Variants in ROR1 observed in about 807,000 individuals in gnomAD.
ROR1 encodes inactive tyrosine-protein kinase transmembrane receptor ROR1.
Under a neutral mutation model 78.8 loss-of-function variants are expected in ROR1, and 19 were observed. The observed-to-expected ratio is 0.24, with a 90% CI of 0.17 to 0.35. ROR1 has a LOEUF of 0.35. ROR1 is among the 10% of genes least tolerant of loss of function. The pLI is 1.00. For missense variants in ROR1, 917 were observed against 1,177.8 expected (o/e 0.78, Z 3.24); for synonymous variants, 386 against 433.6 (o/e 0.89, Z 1.36).
In ROR1 at chr1:64,001,962, A is replaced by C. The variant is rs565737599; in HGVS notation, c.92-7343A>C. Among the ~76,000 whole-genome samples, 3 of 151,904 alleles carry C rather than the reference A, an allele frequency of 2.0e-5. No homozygotes were observed. In the East Asian group the frequency reaches 5.8e-4, roughly 29 times the overall value. The stretch of plus-strand genomic sequence containing the variant: ...TGTGACATTTTATTCAGTACTCTTC[A>C]AGTTTTTAGTCTCGTTGTGGTGGGG... On this transcript the variant is annotated intron_variant, in intron 1 of 8. Coordinates refer to ENST00000371079, the MANE Select transcript of ROR1 (RefSeq NM_005012.4).
chr1:63,843,431 G>A (rs188913722), intron 1 of ROR1: 47 of 738,420 alleles, frequency 6.4e-5, no homozygotes, highest in African/African-American at 6.0e-4. Context: ...CGTAGGTTGT[G>A]TCACAGAGGG....
At position 63,957,909 on chromosome 1, in the gene ROR1, A is replaced by G. The variant is rs148936317; in HGVS notation, c.92-51396A>G. Among the ~76,000 whole-genome samples, 46 of 151,754 alleles carry G rather than the reference A, an allele frequency of 3.0e-4. No homozygotes were observed. The East Asian group carries it at 8.7e-3, about 29-fold the overall frequency. ...AGGCTCATGCCACCACACCCAGCTA[A>G]TTTTTTGTATCTTTAGTAGAGATGG... On this transcript the variant is annotated intron_variant, in intron 1 of 8. Transcript: ENST00000371079.
intron 1 of ROR1, among the ~76,000 whole-genome samples, chr1:63,781,589 A>T (rs1195474010): frequency 6.6e-6 from 1 of 152,212 alleles, no homozygotes; most frequent in Non-Finnish European, 1.5e-5. Context: ...CTGTGGGAAC[A>T]TGGGGAAGAA....
chr1:63,855,473 A>G (rs1375663863), intron 1 of ROR1, among the ~76,000 whole-genome samples: 1 of 152,068 alleles, frequency 6.6e-6, no homozygotes, highest in African/African-American at 2.4e-5. Context: ...CAACTCACTG[A>G]TTCTGTTTAC....
intron 1 of ROR1, among the ~76,000 whole-genome samples, chr1:63,851,917 G>T (rs1295868689): frequency 6.6e-6 from 1 of 152,218 alleles, no homozygotes; most frequent in African/African-American, 2.4e-5. Context: ...AAGTAGACTG[G>T]CATCTTACCT....
At chr1:63,849,925 T>G (rs1344585358) in intron 1 of ROR1, among the ~76,000 whole-genome samples, 1 of 152,192 alleles carries the variant, frequency 6.6e-6, no homozygotes, top group Non-Finnish European at 1.5e-5. Flanking sequence ...TTAAAAGAAA[T>G]AAAACATTAT....
chr1:64,024,220 C>T (rs1360827444), intron 2 of ROR1, among the ~76,000 whole-genome samples: 1 of 152,166 alleles, frequency 6.6e-6, no homozygotes, highest in Non-Finnish European at 1.5e-5. Context: ...GTGGCTCATG[C>T]CTGTAATCCC....
chr1:64,156,113 AG>A (rs1483286974), intron 7 of ROR1, among the ~76,000 whole-genome samples: 2 of 152,198 alleles, frequency 1.3e-5, no homozygotes, highest in African/African-American at 2.4e-5. Flanking sequence ...CTCTAGTCTA[AG>A]GGTAAAGGGT....
chr1:63,797,196 C>A (rs1644766439), intron 1 of ROR1, among the ~76,000 whole-genome samples: 3 of 152,140 alleles, frequency 2.0e-5, no homozygotes, highest in South Asian at 4.1e-4. Flanking sequence ...AGGCACTGTG[C>A]CTTGCAAAAA....
At chr1:63,857,528 G>C (rs1459668614) in intron 1 of ROR1, among the ~76,000 whole-genome samples, 1 of 152,136 alleles carries the variant, frequency 6.6e-6, no homozygotes, top group Admixed American at 6.5e-5. Context: ...TTTTATCCAG[G>C]TAGACTCAGA....
chr1:63,988,803 A>G (rs1361137080), intron 1 of ROR1, among the ~76,000 whole-genome samples: 1 of 152,218 alleles, frequency 6.6e-6, no homozygotes, highest in African/African-American at 2.4e-5. Context: ...ATGTTAGAGC[A>G]TGTGCTAGAA....
At chr1:64,148,321 T>A (rs916390436) in intron 7 of ROR1, among the ~76,000 whole-genome samples, 7 of 152,146 alleles carry the variant, frequency 4.6e-5, no homozygotes, top group African/African-American at 1.7e-4. Context: ...TTTATGCATG[T>A]ATGTTGTGTA....
Position 63,969,493 on chromosome 1 carries a change from T to C in ROR1, c.92-39812T>C, listed in dbSNP as rs553884851. ...ATAGCACTGGTAGTCAGCTGGATAG[T>C]TCCCCTTGGCAGTCTAACAACTGTG... is the stretch of plus-strand genomic sequence containing the variant. On this transcript the variant is annotated intron_variant, in intron 1 of 8. Transcript: ENST00000371079. Among the ~76,000 whole-genome samples, 4 of 152,228 alleles carry C rather than the reference T, an allele frequency of 2.6e-5. No homozygotes were observed. The East Asian group carries it at 5.8e-4, about 22-fold the overall frequency.
chr1:64,014,021 T>G (rs1646498425), intron 2 of ROR1, among the ~76,000 whole-genome samples: 1 of 152,240 alleles, frequency 6.6e-6, no homozygotes, highest in Admixed American at 6.5e-5. Flanking sequence ...CAACAGAGGC[T>G]CATTTGGGCT....
In ROR1 at chr1:64,049,816, C is replaced by T. The variant is rs1557626747; in HGVS notation, c.289C>T (p.Pro97Ser). Residue 97 changes from proline (P) to serine (S), a missense_variant, in exon 3 of 9, where the codon CCT becomes TCT. Around this residue, in one of 3 missense-constraint regions of ROR1, gnomAD observed 835 missense variants for 1,069.8 expected, o/e 0.78. Coordinates refer to ENST00000371079, the MANE Select transcript of ROR1 (RefSeq NM_005012.4). ...CATCCGCTGGTTCAAAAATGATGCT[C>T]CTGTGGTCCAGGAGCCCCGGAGGCT... ...PTIRWFKNDAPVVQEPRRLSF... is the reference protein window; with the variant it reads ...PTIRWFKNDASVVQEPRRLSF... 5 of 1,614,102 alleles carry T rather than the reference C, an allele frequency of 3.1e-6. No individual in the cohort carries two copies. Among genetic ancestry groups the T allele is most frequent in the Admixed American group, 1.7e-5 (1 of 59,998 alleles).
chr1:64,176,381 T>C (rs1233777355), intron 8 of ROR1, among the ~76,000 whole-genome samples: 5 of 152,158 alleles, frequency 3.3e-5, no homozygotes, highest in Non-Finnish European at 5.9e-5. Flanking sequence ...TCTGAGTGCT[T>C]TACAAACTTT....
At chr1:63,925,638 A>G (rs1158001520) in intron 1 of ROR1, among the ~76,000 whole-genome samples, 1 of 151,524 alleles carries the variant, frequency 6.6e-6, no homozygotes, top group African/African-American at 2.4e-5. Flanking sequence ...CAACAGTGTA[A>G]AAGTTTTCCT....
chr1:64,130,107 C>A (rs901276009), intron 4 of ROR1, among the ~76,000 whole-genome samples: 1 of 152,192 alleles, frequency 6.6e-6, no homozygotes, highest in African/African-American at 2.4e-5. Context: ...CAAATTGTCA[C>A]TGACCAGATG....
intron 4 of ROR1, among the ~76,000 whole-genome samples, chr1:64,057,799 C>T (rs1338276613): frequency 6.6e-6 from 1 of 152,034 alleles, no homozygotes; most frequent in Non-Finnish European, 1.5e-5. Context: ...TTTTTCAAGA[C>T]TTTTGTTGTT....
Sources: allele counts gnomAD v4.1 joint callset (sites outside exome capture counted in the v4.1 genomes callset), GRCh38; gene constraint gnomAD v4.1.1; regional missense constraint gnomAD v4.1.1; transcripts MANE v1.5; gene names NCBI Gene and HGNC (gene_info 2026-07-23, HGNC 2026-07-21).